Variants in RAB35 observed in about 807,000 individuals in gnomAD.
RAB35 encodes RAB35, member RAS oncogene family, also known as ras-related protein Rab-35.
A neutral mutation model predicts 28.9 loss-of-function variants in RAB35; 4 were observed. That is an observed-to-expected ratio of 0.14 (90% CI 0.07 to 0.32). RAB35 has a LOEUF of 0.32. RAB35 is among the 10% of genes least tolerant of loss of function. The pLI is 1.00. For synonymous variants in RAB35, 99 were observed against 105.1 expected (o/e 0.94, Z 0.35); for missense variants, 128 against 274.0 (o/e 0.47, Z 3.76).
intron 3 of RAB35, among the ~76,000 whole-genome samples, chr12:120,101,992 A>T (rs564220764): frequency 6.6e-6 from 1 of 152,264 alleles, no homozygotes; most frequent in Admixed American, 6.5e-5. Context: ...CCAGGAGTTC[A>T]TTCCTCATGG....
chr12:120,104,514 G>C (rs1356791532), intron 2 of RAB35, among the ~76,000 whole-genome samples: 1 of 152,210 alleles, frequency 6.6e-6, no homozygotes, highest in Non-Finnish European at 1.5e-5. Flanking sequence ...CCAGATCTTG[G>C]ACCTGTGTGC....
At chr12:120,105,157 G>A (rs1300786252) in intron 2 of RAB35, among the ~76,000 whole-genome samples, 1 of 152,172 alleles carries the variant, frequency 6.6e-6, no homozygotes, top group Admixed American at 6.5e-5. Context: ...CAGGGAGGAC[G>A]TCACATCTGG....
chr12:120,095,148 A>G lies in RAB35; in HGVS notation c.*2097T>C, dbSNP rs775321592. 6.6e-6 allele frequency: 1 copy of G among 152,444 alleles called. No individual in the cohort carries two copies. Among genetic ancestry groups the G allele is most frequent in the Non-Finnish European group, 1.5e-5 (1 of 68,050 alleles). The allele number at this position is 152,444 out of a possible 1,614,324, so 9.4% of individuals were successfully genotyped here. On this transcript the variant is annotated 3_prime_UTR_variant, in exon 6 of 6. Coordinates refer to ENST00000229340, the MANE Select transcript of RAB35 (RefSeq NM_006861.7). ...TAGTATTTTTTTAAAAAGCATAATT[A>G]GAAACTTTCAATACAGAAATACTCC...
intron 3 of RAB35, chr12:120,099,379 C>T (rs988934843): frequency 6.0e-5 from 36 of 601,578 alleles, no homozygotes; most frequent in African/African-American, 4.8e-4. Flanking sequence ...ACCAACAGGG[C>T]GGGAGGGCCA....
chr12:120,116,372 C>A (rs2139066717), intron 1 of RAB35, among the ~76,000 whole-genome samples: 1 of 152,212 alleles, frequency 6.6e-6, no homozygotes, highest in South Asian at 2.1e-4. Context: ...GAGGCAGGAA[C>A]AGGCGCGATG....
intron 3 of RAB35, 51 bp from the exon 4 acceptor site, chr12:120,099,205 C>T: frequency 6.2e-7 from 1 of 1,609,876 alleles, no homozygotes; most frequent in Non-Finnish European, 8.5e-7. Context: ...GGAGTCACCC[C>T]CTTGCCGGGA....
In RAB35 at chr12:120,103,725, G is replaced by A; in HGVS notation, c.227+101C>T. 1 of 1,522,742 alleles carries A rather than the reference G, an allele frequency of 6.6e-7. No homozygotes were observed. Among genetic ancestry groups the A allele is most frequent in the Non-Finnish European group, 8.9e-7 (1 of 1,125,302 alleles). 94.3% of individuals were successfully genotyped at this position (1,522,742 alleles called of 1,614,324 possible). A position where few individuals can be genotyped will look rare whatever the true frequency, so the allele number is the denominator to read the frequency against. On this transcript the variant is annotated intron_variant, in intron 3 of 5. Coordinates refer to ENST00000229340, the MANE Select transcript of RAB35 (RefSeq NM_006861.7). The surrounding 1 kb of genome is among the most constrained non-coding windows in gnomAD (Gnocchi z 6.1). ...CAGGCTCACTTCCCGACAGCCTCAG[G>A]GACCCACCAGTGACATTTCCACCAT... is the stretch of plus-strand genomic sequence containing the variant.
chr12:120,096,158 G>A lies in RAB35; in HGVS notation c.*1087C>T. The A allele has an allele frequency of 3.0e-6, 1 of 338,668 alleles. No homozygotes were observed. The highest frequency in any genetic ancestry group is 1.1e-3 in the Middle Eastern group (1 of 938). 21.0% of individuals were successfully genotyped at this position (338,668 alleles called of 1,614,324 possible). The stretch of plus-strand genomic sequence containing the variant: ...GCCCCAGGCATGCACTCCCCACAGT[G>A]CCCGAGGCTGCAGTGTAGACTCCTG... On this transcript the variant is annotated 3_prime_UTR_variant, in exon 6 of 6. Transcript: ENST00000229340.
rs1875402809 is a variant in RAB35 at position 120,096,542 on chromosome 12, G to C, written c.*703C>G. 1.6e-6 allele frequency: 2 copies of C among 1,289,672 alleles called. No homozygotes were observed. The highest frequency in any genetic ancestry group is 2.5e-5 in the South Asian group (2 of 81,036). The allele number at this position is 1,289,672 out of a possible 1,614,324, so 79.9% of individuals were successfully genotyped here. ...ATGGCTGCCCTGGGTTTGGAGCTCA[G>C]AGGCATCTAGAAGGCAGGACAAGAA... On this transcript the variant is annotated 3_prime_UTR_variant, in exon 6 of 6. Transcript: ENST00000229340.
rs1157888151 is a variant in RAB35, at chr12:120,096,854, G to A, written c.*391C>T. On this transcript the variant is annotated 3_prime_UTR_variant, in exon 6 of 6. Transcript: ENST00000229340. ...CAGGACGCTGCTTGCAGTAAGATGG[G>A]CTGGGGAGGGGCGCGGGGAGGGTCT... The A allele has an allele frequency of 1.1e-5, 14 of 1,299,662 alleles. No homozygotes were observed. The highest frequency in any genetic ancestry group is 1.4e-5 in the Non-Finnish European group (14 of 995,508). The allele number at this position is 1,299,662 out of a possible 1,614,324, so 80.5% of individuals were successfully genotyped here.
chr12:120,116,091 G>A lies in RAB35; in HGVS notation c.52+508C>T, dbSNP rs959639760. On this transcript the variant is annotated intron_variant, in intron 1 of 5. Transcript: ENST00000229340. ...TCATTTTAGATGGGAAGAAACTGAC[G>A]CTTATAAAGGATACTGATGATAATG... Among the ~76,000 whole-genome samples the A allele has an allele frequency of 4.6e-5, 7 of 152,166 alleles. No individual in the cohort carries two copies. In the South Asian group the frequency reaches 6.2e-4, roughly 13 times the overall value.
chr12:120,097,961 G>A (rs1875496714), intron 5 of RAB35, among the ~76,000 whole-genome samples: 2 of 146,550 alleles, frequency 1.4e-5, no homozygotes, highest in African/African-American at 2.5e-5. Flanking sequence ...TCAGCTCACT[G>A]CAAACTCTGC....
chr12:120,111,417 C>T (rs1421423216), intron 1 of RAB35, among the ~76,000 whole-genome samples: 3 of 152,146 alleles, frequency 2.0e-5, no homozygotes, highest in African/African-American at 7.2e-5. Context: ...CGCAGTGGCT[C>T]ACACCCGTAA....
chr12:120,110,105 C>G (rs1003959091), intron 1 of RAB35, among the ~76,000 whole-genome samples: 1 of 152,062 alleles, frequency 6.6e-6, no homozygotes, highest in Non-Finnish European at 1.5e-5. Flanking sequence ...TGCTAACACT[C>G]CTCCCAATAC....
Position 120,103,439 on chromosome 12 carries a change from T to C in RAB35, c.227+387A>G, listed in dbSNP as rs1299096468. 2.0e-5 allele frequency among the ~76,000 whole-genome samples: 3 copies of C among 152,214 alleles called. No individual in the cohort carries two copies. The highest frequency in any genetic ancestry group is 4.8e-5 in the African/African-American group (2 of 41,454). ...AACTCCAGCTGCCATAACTGACACC[T>C]ACCAAGAGGAATTGTCAGCGACTAA... On this transcript the variant is annotated intron_variant, in intron 3 of 5. Transcript: ENST00000229340. This position sits in a 1 kb window ranked among gnomAD's most constrained non-coding sequence, Gnocchi z 6.1.
Position 120,103,292 on chromosome 12 carries a change from C to T in RAB35, c.227+534G>A, listed in dbSNP as rs1875733608. Among the ~76,000 whole-genome samples, 1 of 152,176 alleles carries T rather than the reference C, an allele frequency of 6.6e-6. No individual in the cohort carries two copies. Among genetic ancestry groups the T allele is most frequent in the African/African-American group, 2.4e-5 (1 of 41,436 alleles). Reference sequence around the variant, plus strand: ...GCCACAAAGGTGGGCAACCGGTGGGCGGCCGGATTTCCCAGGAACAGCTTT... The same window carrying T: ...GCCACAAAGGTGGGCAACCGGTGGGTGGCCGGATTTCCCAGGAACAGCTTT... On this transcript the variant is annotated intron_variant, in intron 3 of 5. Transcript: ENST00000229340. This position sits in a 1 kb window ranked among gnomAD's most constrained non-coding sequence, Gnocchi z 6.1.
intron 1 of RAB35, among the ~76,000 whole-genome samples, chr12:120,112,213 A>C (rs1425124262): frequency 6.6e-6 from 1 of 152,028 alleles, no homozygotes; most frequent in Non-Finnish European, 1.5e-5. Context: ...CCTGACCTCA[A>C]GTGATCCGCC....
In RAB35 at chr12:120,096,970, C is replaced by T. The variant is rs780745860; in HGVS notation, c.*275G>A. ...CAATATACACTATGTACAGACTCTG[C>T]GAATCAGTCCGCTCGGCGGGCAGCG... is the stretch of plus-strand genomic sequence containing the variant. On this transcript the variant is annotated 3_prime_UTR_variant, in exon 6 of 6. Coordinates refer to ENST00000229340, the MANE Select transcript of RAB35 (RefSeq NM_006861.7). 6.2e-6 allele frequency: 9 copies of T among 1,443,676 alleles called. No individual in the cohort carries two copies. The highest frequency in any genetic ancestry group is 3.1e-5 in the East Asian group (1 of 32,126). 89.4% of individuals were successfully genotyped at this position (1,443,676 alleles called of 1,614,324 possible). A position where few individuals can be genotyped will look rare whatever the true frequency, so the allele number is the denominator to read the frequency against.
chr12:120,102,095 G>A (rs7953871), intron 3 of RAB35, among the ~76,000 whole-genome samples: 79 of 152,284 alleles, frequency 5.2e-4, no homozygotes, highest in African/African-American at 1.7e-3. Context: ...CTGCCCAGTC[G>A]ATGCAGGGCC....
Sources: gnomAD v4.1 joint callset for allele counts (sites outside exome capture counted in the v4.1 genomes callset) on GRCh38, gnomAD v4.1.1 for gene constraint, Gnocchi (gnomAD v3.1) non-coding constraint, MANE v1.5 for transcripts, NCBI Gene and HGNC (gene_info 2026-07-23, HGNC 2026-07-21) for gene names.